ASTN1: variants seen among roughly 807,000 people sequenced by gnomAD.
ASTN1 encodes astrotactin-1.
ASTN1 carries 41 observed loss-of-function variants against 140.7 expected under a neutral mutation model. The ratio of observed to expected loss-of-function variants is 0.29; its 90% CI spans 0.23 to 0.38. The LOEUF is 0.38. Among genes scored for constraint, ASTN1 ranks in the 10% least tolerant of loss-of-function variants. The pLI, the probability that ASTN1 is intolerant of heterozygous loss-of-function variation, is 1.00. For synonymous variants in ASTN1, 640 were observed against 652.2 expected (o/e 0.98, Z 0.29); for missense variants, 1,479 against 1,678.8 (o/e 0.88, Z 2.08).
At chr1:177,108,647 C>T (rs1215092165) in intron 1 of ASTN1, among the ~76,000 whole-genome samples, 1 of 152,094 alleles carries the variant, frequency 6.6e-6, no homozygotes, top group Non-Finnish European at 1.5e-5. Context: ...TTGCTTCCAC[C>T]TTTTGGTTAT....
chr1:176,884,307 C>G (rs748124885), intron 19 of ASTN1, 32 bp downstream of exon 19: 1 of 1,596,210 alleles, frequency 6.3e-7, no homozygotes, highest in East Asian at 2.3e-5. Context: ...CACCTTGGAT[C>G]AAGACAAGCC....
At chr1:176,989,390 T>A (rs1674054110) in intron 8 of ASTN1, among the ~76,000 whole-genome samples, 1 of 152,248 alleles carries the variant, frequency 6.6e-6, no homozygotes, top group African/African-American at 2.4e-5. Flanking sequence ...TTTTTCTTCT[T>A]TTCAGTGATA....
At chr1:176,872,425 C>A (rs1316237305) in intron 21 of ASTN1, among the ~76,000 whole-genome samples, 1 of 152,012 alleles carries the variant, frequency 6.6e-6, no homozygotes, top group Non-Finnish European at 1.5e-5. Flanking sequence ...ATAGTGTGTT[C>A]AAAAGTGGGG....
At chr1:177,011,430 T>C (rs892886178) in intron 8 of ASTN1, among the ~76,000 whole-genome samples, 6 of 152,244 alleles carry the variant, frequency 3.9e-5, no homozygotes, top group Non-Finnish European at 4.4e-5. Context: ...CTTCTATAAA[T>C]AACAACCTAG....
intron 10 of ASTN1, among the ~76,000 whole-genome samples, chr1:176,958,034 C>G (rs181110021): frequency 6.6e-6 from 1 of 152,310 alleles, no homozygotes; most frequent in South Asian, 2.1e-4. Flanking sequence ...GCTGTAACGC[C>G]TGGTCAAAGA....
intron 7 of ASTN1, among the ~76,000 whole-genome samples, chr1:177,022,744 T>A (rs150957717): frequency 6.6e-5 from 10 of 152,310 alleles, no homozygotes; most frequent in Admixed American, 1.3e-4. Flanking sequence ...AATAAAAATT[T>A]AAAGCATCCT....
intron 1 of ASTN1, among the ~76,000 whole-genome samples, chr1:177,164,109 G>A (rs962339028): frequency 2.0e-5 from 3 of 152,132 alleles, no homozygotes; most frequent in Admixed American, 6.5e-5. Context: ...AAGCTGGGAG[G>A]TCAAGGCTGG....
chr1:176,892,858 G>A (rs985090287), intron 17 of ASTN1, among the ~76,000 whole-genome samples: 1 of 152,162 alleles, frequency 6.6e-6, no homozygotes, highest in Non-Finnish European at 1.5e-5. Flanking sequence ...AACAGCGGAT[G>A]GCAAAGACAA....
chr1:176,907,832 C>T (rs1670064677), intron 16 of ASTN1, among the ~76,000 whole-genome samples: 1 of 152,216 alleles, frequency 6.6e-6, no homozygotes, highest in African/African-American at 2.4e-5. Context: ...ATTACAGTAT[C>T]AACTCATCCC....
intron 16 of ASTN1, among the ~76,000 whole-genome samples, chr1:176,915,365 G>A (rs1670436097): frequency 6.6e-6 from 1 of 152,148 alleles, no homozygotes; most frequent in South Asian, 2.1e-4. Flanking sequence ...TGATGATCAG[G>A]CAAGCACTGA....
chr1:177,138,619 A>T (rs1211071270), intron 1 of ASTN1, among the ~76,000 whole-genome samples: 2 of 152,190 alleles, frequency 1.3e-5, no homozygotes, highest in Non-Finnish European at 2.9e-5. Context: ...TGGTTTTGCC[A>T]TGTTAATGTA....
chr1:176,872,064 A>C (rs1179779183), intron 21 of ASTN1, among the ~76,000 whole-genome samples: 1 of 152,120 alleles, frequency 6.6e-6, no homozygotes, highest in Non-Finnish European at 1.5e-5. Flanking sequence ...GTTGGGCCAC[A>C]CCAGCTGTGT....
At chr1:177,050,558 C>A (rs1309897838) in intron 2 of ASTN1, among the ~76,000 whole-genome samples, 1 of 152,180 alleles carries the variant, frequency 6.6e-6, no homozygotes. Context: ...CAGCAAGAGG[C>A]ACCTGACTTT....
At chr1:176,963,147 G>A (rs1388382098) in intron 9 of ASTN1, among the ~76,000 whole-genome samples, 2 of 152,146 alleles carry the variant, frequency 1.3e-5, no homozygotes, top group Non-Finnish European at 2.9e-5. Context: ...AAGAAGAGTG[G>A]CTCATTTAGA....
intron 16 of ASTN1, among the ~76,000 whole-genome samples, chr1:176,896,081 C>A (rs1004173318): frequency 2.0e-5 from 3 of 152,134 alleles, no homozygotes; most frequent in African/African-American, 7.2e-5. Flanking sequence ...TAAAAGAGTT[C>A]TCTCTTATGG....
intron 16 of ASTN1, among the ~76,000 whole-genome samples, chr1:176,927,330 C>T (rs1415702195): frequency 6.6e-6 from 1 of 151,896 alleles, no homozygotes; most frequent in African/African-American, 2.4e-5. Context: ...CGCTGATATG[C>T]ACCAAAAGTA....
chr1:176,879,446 C>A (rs954828389), intron 20 of ASTN1, among the ~76,000 whole-genome samples: 27 of 152,268 alleles, frequency 1.8e-4, no homozygotes, highest in Admixed American at 1.6e-3. Context: ...TTCCAGCCAC[C>A]TTTTGTAGCC....
At chr1:176,893,547 G>A (rs759942630) in intron 17 of ASTN1, among the ~76,000 whole-genome samples, 4 of 152,256 alleles carry the variant, frequency 2.6e-5, no homozygotes, top group Admixed American at 1.3e-4. Flanking sequence ...GCAGGTAGGC[G>A]AGAGAAACAC....
chr1:176,934,319 G>T lies in ASTN1; in HGVS notation c.2504C>A (p.Ser835Ter). Reference protein sequence around the residue: ...ISQALSNALHSLDGATSRADF... With the variant: ...ISQALSNALH ...TGCACGAGATGTAGCCCCATCCAGC[G>T]AGTGGAGAGCATTGCTGAGGGCTAT... Residue 835 changes from serine (S) to a stop codon, truncating the protein, a stop_gained, in exon 16 of 23, where the codon TCG becomes TAG. Transcript: ENST00000361833. LOFTEE classifies it high-confidence loss of function. 6.2e-7 allele frequency: 1 copy of T among 1,613,062 alleles called. No homozygotes were observed. The highest frequency in any genetic ancestry group is 8.5e-7 in the Non-Finnish European group (1 of 1,179,188).
Sources: allele counts gnomAD v4.1 joint callset (sites outside exome capture counted in the v4.1 genomes callset), GRCh38; gene constraint gnomAD v4.1.1; transcripts MANE v1.5; gene names NCBI Gene and HGNC (gene_info 2026-07-23, HGNC 2026-07-21).